Variants in LGALS9C observed in about 807,000 individuals in gnomAD.
LGALS9C encodes the protein galectin-9C.
Under a neutral mutation model 41.3 loss-of-function variants are expected in LGALS9C, and 7 were observed. The observed-to-expected ratio is 0.17, with a 90% CI of 0.10 to 0.32. The LOEUF (loss-of-function observed/expected upper bound fraction) is 0.32. LGALS9C is among the 10% of genes least tolerant of loss of function. LGALS9C has a pLI of 1.00. For synonymous variants in LGALS9C, 44 were observed against 171.0 expected, an observed-to-expected ratio of 0.26 and a Z score of 5.80; for missense variants, 102 against 455.2, an observed-to-expected ratio of 0.22 and a Z score of 7.06.
Position 18,480,225 on chromosome 17 carries a change from A to C in LGALS9C, c.39+3332A>C, listed in dbSNP as rs1406716399. Among the ~76,000 whole-genome samples, 8 of 125,364 alleles carry C rather than the reference A, an allele frequency of 6.4e-5. 1 individual carries two copies. The highest frequency in any genetic ancestry group is 9.6e-5 in the Non-Finnish European group (5 of 52,006). The allele number at this position is 125,364 out of a possible 152,430, so 82.2% of individuals were successfully genotyped here. On this transcript the variant is annotated intron_variant, in intron 1 of 10. Coordinates refer to ENST00000328114, the MANE Select transcript of LGALS9C (RefSeq NM_001040078.3). ...TCCTGTCTCAAAAAAAAAAAAAAAA[A>C]ACACAACAAACAAACAAACAAAACC...
chr17:18,493,020 T>G (rs200592877), intron 10 of LGALS9C, among the ~76,000 whole-genome samples, 161 bp downstream of exon 10: 8,789 of 90,134 alleles, frequency 0.098, 82 homozygotes, highest in South Asian at 0.23. Context: ...TTATTAATAA[T>G]TATTACTGTC....
intron 3 of LGALS9C, 141 bp from the exon 4 acceptor site, chr17:18,487,506 A>G (rs1347143110): frequency 7.2e-6 from 4 of 558,290 alleles, no homozygotes; most frequent in Admixed American, 7.9e-5. Context: ...ACTTCGGGCC[A>G]CACACACGTC....
chr17:18,480,229 CAACA>C lies in LGALS9C; in HGVS notation c.39+3351_39+3354del, dbSNP rs1211076744. Among the ~76,000 whole-genome samples the C allele has an allele frequency of 9.8e-4, 120 of 122,096 alleles. 13 individuals carry two copies. The highest frequency in any genetic ancestry group is 3.6e-3 in the South Asian group (15 of 4,124). The allele number at this position is 122,096 out of a possible 152,430, so 80.1% of individuals were successfully genotyped here. On this transcript the variant is annotated intron_variant, in intron 1 of 10. Coordinates refer to ENST00000328114, the MANE Select transcript of LGALS9C (RefSeq NM_001040078.3). ...GTCTCAAAAAAAAAAAAAAAAAACA[CAACA>C]AACAAACAAACAAAACCCCCAAAAC... is the stretch of plus-strand genomic sequence containing the variant.
intron 1 of LGALS9C, among the ~76,000 whole-genome samples, chr17:18,477,911 C>G (rs1359988677): frequency 7.8e-6 from 1 of 128,298 alleles, no homozygotes; most frequent in Admixed American, 7.4e-5. Context: ...AGGGAAGCTG[C>G]CAGGGGCCAC....
rs577496530 is a variant in LGALS9C, at chr17:18,476,905, G to A, written c.39+12G>A. 6.6e-5 allele frequency: 106 copies of A among 1,598,752 alleles called. No homozygotes were observed. Among genetic ancestry groups the A allele is most frequent in the African/African-American group, 3.4e-4 (25 of 74,532 alleles). On this transcript the variant is annotated intron_variant, in intron 1 of 10. Coordinates refer to ENST00000328114, the MANE Select transcript of LGALS9C (RefSeq NM_001040078.3). Reference sequence around the variant, plus strand: ...CCTATCTGAGCCCAGTGAGTTCCGGGGCCGTGGGCACAGGGCTGCCTCAGC... The same window carrying A: ...CCTATCTGAGCCCAGTGAGTTCCGGAGCCGTGGGCACAGGGCTGCCTCAGC...
chr17:18,487,904 C>T (rs1199296757), intron 4 of LGALS9C, 147 bp downstream of exon 4: 12 of 581,260 alleles, frequency 2.1e-5, no homozygotes, highest in Non-Finnish European at 2.6e-5. Context: ...CAGTACCTGC[C>T]CGCCCCTTCT....
In LGALS9C at chr17:18,492,714, G is replaced by A; in HGVS notation, c.779G>A (p.Cys260Tyr). ...PSAQRFHINL[C>Y]SGSHIAFHMN... is the part of the protein sequence containing the mutation. The stretch of plus-strand genomic sequence containing the variant: ...CACCCCAGGTTCCACATCAACCTGT[G>A]CTCTGGGAGCCACATCGCCTTCCAC... The change falls in exon 10 of 11, where the codon TGC becomes TAC. Residue 260 changes from cysteine to tyrosine, a missense_variant. Physicochemically the swap from Cys to Tyr is radical, Grantham distance 194. Transcript: ENST00000328114. 6.8e-7 allele frequency: 1 copy of A among 1,459,982 alleles called. No individual in the cohort carries two copies. The highest frequency in any genetic ancestry group is 1.2e-5 in the South Asian group (1 of 86,192). The allele number at this position is 1,459,982 out of a possible 1,614,324, so 90.4% of individuals were successfully genotyped here. A position where few individuals can be genotyped will look rare whatever the true frequency, so the allele number is the denominator to read the frequency against.
intron 8 of LGALS9C, 36 bp from the exon 9 acceptor site, chr17:18,492,421 C>T (rs1989845811): frequency 6.6e-7 from 1 of 1,509,454 alleles, no homozygotes; most frequent in Non-Finnish European, 9.1e-7. Context: ...GCTGCCCTGA[C>T]TGCCACTGGC....
Position 18,476,883 on chromosome 17 carries a change from A to C in LGALS9C, c.29A>C (p.Tyr10Ser). Residue 10 changes from tyrosine to serine, a missense_variant, in exon 1 of 11, where the codon TAT becomes TCT. Coordinates refer to ENST00000328114, the MANE Select transcript of LGALS9C (RefSeq NM_001040078.3). ...GCCTTCAGCGGTTGCCAGGCTCCCT[A>C]TCTGAGCCCAGTGAGTTCCGGGGCC... MAFSGCQAP[Y>S]LSPAVPFSGT... 3 of 1,601,774 alleles carry C rather than the reference A, an allele frequency of 1.9e-6. No individual in the cohort carries two copies. Among genetic ancestry groups the C allele is most frequent in the Non-Finnish European group, 2.6e-6 (3 of 1,171,094 alleles).
In LGALS9C at chr17:18,492,695, A is replaced by C; in HGVS notation, c.762-2A>C. 7 of 1,418,576 alleles carry C rather than the reference A, an allele frequency of 4.9e-6. 1 individual carries two copies. In the South Asian group the frequency reaches 7.0e-5, roughly 14 times the overall value. 87.9% of individuals were successfully genotyped at this position (1,418,576 alleles called of 1,614,324 possible). The stretch of plus-strand genomic sequence containing the variant: ...AAGGTCCAGGTAGGCTGCCCACCCC[A>C]GGTTCCACATCAACCTGTGCTCTGG... On this transcript the variant is annotated splice_acceptor_variant, in intron 9 of 10. Transcript: ENST00000328114. LOFTEE classifies it high-confidence loss of function.
chr17:18,490,661 GT>G (rs1989770008), intron 5 of LGALS9C, 71 bp from the exon 6 acceptor site: 1 of 483,986 alleles, frequency 2.1e-6, no homozygotes, highest in African/African-American at 2.2e-5. Flanking sequence ...CCTCCCTGGA[GT>G]TCTGCCATCG....
chr17:18,492,267 C>T, intron 8 of LGALS9C, 190 bp from the exon 9 acceptor site: 1 of 676,624 alleles, frequency 1.5e-6, no homozygotes, highest in Non-Finnish European at 2.4e-6. Context: ...CCTTTCATGA[C>T]ACTAATCTAA....
intron 1 of LGALS9C, among the ~76,000 whole-genome samples, chr17:18,483,122 T>G (rs1196283779): frequency 8.0e-6 from 1 of 124,970 alleles, no homozygotes; most frequent in Admixed American, 7.7e-5. Context: ...GGAGTCGGCC[T>G]GACTCCAAAA....
chr17:18,489,765 G>T (rs1466786932), intron 5 of LGALS9C: 2 of 88,526 alleles, frequency 2.3e-5, no homozygotes, highest in African/African-American at 8.3e-5. Flanking sequence ...GCACCCCATT[G>T]TAACTGTTTG....
rs538188400 is a variant in LGALS9C, at chr17:18,494,621, G to A, written c.*254G>A. 1.2e-5 allele frequency: 7 copies of A among 577,018 alleles called. No homozygotes were observed. Among genetic ancestry groups the A allele is most frequent in the African/African-American group, 7.3e-5 (4 of 54,898 alleles). The allele number at this position is 577,018 out of a possible 1,614,324, so 35.7% of individuals were successfully genotyped here. On this transcript the variant is annotated 3_prime_UTR_variant, in exon 11 of 11. Transcript: ENST00000328114. ...CTGGAATCCTACAATCCCAGAAGGC[G>A]GGCACAGCCAGGGAGAGGGGAGGAG...
Position 18,492,143 on chromosome 17 carries a change from TAGAAG to T in LGALS9C, c.672+156_672+160del, listed in dbSNP as rs1418127510. On this transcript the variant is annotated intron_variant, in intron 8 of 10. Transcript: ENST00000328114. ...AGGGCTTCAAAGCGTCCCAGTGAAT[TAGAAG>T]ACTGTGGAGAGGAGCTTTCAACCTT... is the stretch of plus-strand genomic sequence containing the variant. 68 of 378,080 alleles carry T rather than the reference TAGAAG, an allele frequency of 1.8e-4. 3 individuals are homozygous for T. The highest frequency in any genetic ancestry group is 2.0e-4 in the Non-Finnish European group (40 of 199,918). 23.4% of individuals were successfully genotyped at this position (378,080 alleles called of 1,614,324 possible).
intron 1 of LGALS9C, among the ~76,000 whole-genome samples, chr17:18,477,318 A>AT (rs1462800330): frequency 8.2e-6 from 1 of 121,516 alleles, no homozygotes; most frequent in African/African-American, 2.6e-5. Context: ...CTCAGTTTCC[A>AT]TATCTGTGAA....
intron 1 of LGALS9C, among the ~76,000 whole-genome samples, chr17:18,478,640 G>A (rs1162736386): frequency 6.2e-5 from 7 of 112,788 alleles, no homozygotes; most frequent in East Asian, 2.1e-4. Flanking sequence ...GGAGGGCTGG[G>A]GGGAAGCTGG....
intron 3 of LGALS9C, 133 bp from the exon 4 acceptor site, chr17:18,487,514 G>T (rs1177059760): frequency 8.7e-5 from 52 of 596,154 alleles, no homozygotes; most frequent in Non-Finnish European, 1.4e-4. Context: ...CCACACACAC[G>T]TCCCTGTAAC....
Sources: allele counts gnomAD v4.1 joint callset (sites outside exome capture counted in the v4.1 genomes callset), GRCh38; gene constraint gnomAD v4.1.1; transcripts MANE v1.5; gene names NCBI Gene and HGNC (gene_info 2026-07-23, HGNC 2026-07-21).